The following TEC variants were observed in gnomAD, a reference collection of about 807,000 sequenced individuals.
TEC encodes the protein tyrosine-protein kinase Tec.
In TEC, 72 loss-of-function variants were observed where a neutral mutation model predicts 93.0. The observed-to-expected ratio is 0.77, with a 90% confidence interval of 0.64 to 0.94. TEC has a LOEUF of 0.94. Among genes scored for constraint, TEC ranks in the 40% least tolerant of loss-of-function variants. The pLI is 0.00. For synonymous variants in TEC, 249 were observed against 247.7 expected (o/e 1.01, Z -0.05); for missense variants, 630 against 757.9 (o/e 0.83, Z 1.98).
chr4:48,237,177 A>C (rs1268586914), intron 1 of TEC, among the ~76,000 whole-genome samples: 1 of 152,060 alleles, frequency 6.6e-6, no homozygotes, highest in Non-Finnish European at 1.5e-5. Context: ...CTGAAAATAC[A>C]GTCGTGTTGG....
intron 8 of TEC, among the ~76,000 whole-genome samples, chr4:48,161,709 T>G (rs1190647646): frequency 1.3e-5 from 2 of 151,598 alleles, no homozygotes; most frequent in African/African-American, 4.9e-5. Flanking sequence ...CCTGGGTGTG[T>G]CCATGACGGT....
In TEC at chr4:48,145,173, C is replaced by T. The variant is rs1719851613; in HGVS notation, c.1376G>A (p.Gly459Asp). The change falls in exon 14 of 18, where the codon GGT becomes GAT. Residue 459 changes from glycine to aspartate, a missense_variant. This residue lies in a region of TEC where 289 missense variants were observed against 390.0 expected (regional missense o/e 0.74). Coordinates refer to ENST00000381501, the MANE Select transcript of TEC (RefSeq NM_003215.3). The part of the protein sequence containing the change: ...CLLNFLRQRQ[G>D]HFSRDVLLSM... ...CAGCAGTACGTCTCTACTGAAATGACCTTGTCTCTGTCGGAGGAAATTCAG... is the reference window on the plus strand; with the variant it reads ...CAGCAGTACGTCTCTACTGAAATGATCTTGTCTCTGTCGGAGGAAATTCAG... The T allele has an allele frequency of 1.3e-5, 21 of 1,614,138 alleles. No homozygotes were observed. Among genetic ancestry groups the T allele is most frequent in the Non-Finnish European group, 1.8e-5 (21 of 1,180,022 alleles).
chr4:48,162,857 C>T (rs1471409129), intron 8 of TEC, among the ~76,000 whole-genome samples: 1 of 152,218 alleles, frequency 6.6e-6, no homozygotes, highest in Non-Finnish European at 1.5e-5. Flanking sequence ...CCTCACGTTA[C>T]AACTTGGCCA....
At position 48,168,607 on chromosome 4, in the gene TEC, A is replaced by G; in HGVS notation, c.474T>C (p.Pro158=). 6.2e-7 allele frequency: 1 copy of G among 1,604,772 alleles called. No individual in the cohort carries two copies. Among genetic ancestry groups the G allele is most frequent in the Non-Finnish European group, 8.5e-7 (1 of 1,177,898 alleles). The stretch of plus-strand genomic sequence containing the variant: ...CTACCTTCTTTGTTTCTGGTGCTGG[A>G]GGTAGTGCTTTTCTTATACCTGAAA... ...LFESSIRKAL[P]PAPETKKRRP... Residue 158 remains proline (P), a synonymous_variant, in exon 6 of 18, where the codon CCT becomes CCC. Coordinates refer to ENST00000381501, the MANE Select transcript of TEC (RefSeq NM_003215.3).
At chr4:48,265,517 T>TA (rs1560430160) in intron 1 of TEC, among the ~76,000 whole-genome samples, 119 of 72,708 alleles carry the variant, frequency 1.6e-3, no homozygotes, top group Middle Eastern at 9.6e-3. Flanking sequence ...ATATATATAT[T>TA]TTTTTTTTTT....
In TEC at chr4:48,246,522, T is replaced by C. The variant is rs538610726; in HGVS notation, c.-45-17863A>G. ...TCACACTCCCAATTTTAAAATTTAC[T>C]CTAATGGCATAGCAATCAAAACTGT... On this transcript the variant is annotated intron_variant, in intron 1 of 17. Transcript: ENST00000381501. Among the ~76,000 whole-genome samples the C allele has an allele frequency of 1.1e-4, 17 of 150,970 alleles. No individual in the cohort carries two copies. The East Asian group carries it at 3.3e-3, about 29-fold the overall frequency.
At chr4:48,177,320 C>T (rs1211420176) in intron 2 of TEC, among the ~76,000 whole-genome samples, 1 of 152,200 alleles carries the variant, frequency 6.6e-6, no homozygotes, top group Non-Finnish European at 1.5e-5. Flanking sequence ...ACTAAGGTTA[C>T]TTTTTCTTCA....
intron 2 of TEC, among the ~76,000 whole-genome samples, chr4:48,226,321 C>G (rs927623577): frequency 6.6e-6 from 1 of 152,108 alleles, no homozygotes; most frequent in African/African-American, 2.4e-5. Context: ...GCTTGAACTG[C>G]ATGGGTCCAT....
intron 8 of TEC, among the ~76,000 whole-genome samples, chr4:48,160,971 C>G (rs116835853): frequency 6.6e-6 from 1 of 151,432 alleles, no homozygotes; most frequent in African/African-American, 2.4e-5. Context: ...AGGAACTATA[C>G]ATCTAGAAAT....
intron 17 of TEC, 115 bp from the exon 18 acceptor site, chr4:48,137,614 T>C (rs902515851): frequency 1.4e-5 from 12 of 830,184 alleles, no homozygotes; most frequent in Non-Finnish European, 2.0e-5. Flanking sequence ...GCTTTGGGAC[T>C]AGGACATACA....
chr4:48,157,014 C>A (rs1402895988), intron 8 of TEC, among the ~76,000 whole-genome samples: 1 of 152,146 alleles, frequency 6.6e-6, no homozygotes, highest in African/African-American at 2.4e-5. Flanking sequence ...CTGAATTTTT[C>A]ATATAACATT....
intron 2 of TEC, among the ~76,000 whole-genome samples, chr4:48,204,739 A>G (rs1028451315): frequency 2.5e-4 from 38 of 152,326 alleles, no homozygotes; most frequent in African/African-American, 8.9e-4. Flanking sequence ...TGCAGTTCAC[A>G]AGAGGGTTCG....
chr4:48,250,224 A>G (rs1285698183), intron 1 of TEC, among the ~76,000 whole-genome samples: 1 of 152,230 alleles, frequency 6.6e-6, no homozygotes, highest in Non-Finnish European at 1.5e-5. Context: ...CCAGCTGCTC[A>G]GCCAAGTATC....
intron 2 of TEC, among the ~76,000 whole-genome samples, chr4:48,200,251 C>T (rs1221682727): frequency 1.4e-5 from 2 of 138,376 alleles, no homozygotes; most frequent in African/African-American, 5.6e-5. Flanking sequence ...GTGGTACCTT[C>T]GAGGAACTGA....
rs776319561 is a variant in TEC, at chr4:48,138,863, TCTC to T, written c.1654+38_1654+40del. 2.5e-5 allele frequency: 40 copies of T among 1,613,520 alleles called. No homozygotes were observed. The Admixed American group carries it at 6.7e-4, about 27-fold the overall frequency. ...GATTACCAAATGGATGTATCCACTTTCTCCTCAGGGCGGACGGACATGAGGAAA... is the reference window on the plus strand; with the variant it reads ...GATTACCAAATGGATGTATCCACTTTCTCAGGGCGGACGGACATGAGGAAA... On this transcript the variant is annotated intron_variant, in intron 16 of 17. Coordinates refer to ENST00000381501, the MANE Select transcript of TEC (RefSeq NM_003215.3).
At chr4:48,137,573 T>C in intron 17 of TEC, 74 bp from the exon 18 acceptor site, 1 of 1,206,596 alleles carries the variant, frequency 8.3e-7, no homozygotes, top group Non-Finnish European at 1.2e-6. Flanking sequence ...CTCCAACTCC[T>C]AAACACAGCA....
At chr4:48,262,201 C>CTCTTTTTTTTTTTTTT (rs1724513091) in intron 1 of TEC, among the ~76,000 whole-genome samples, 1 of 80,210 alleles carries the variant, frequency 1.2e-5, no homozygotes, top group African/African-American at 4.1e-5. Flanking sequence ...CCAAATGTCT[C>CTCTTTTTTTTTTTTTT]TTTTTTTTTT....
At chr4:48,177,481 T>A (rs532386089) in intron 2 of TEC, among the ~76,000 whole-genome samples, 1 of 152,158 alleles carries the variant, frequency 6.6e-6, no homozygotes, top group African/African-American at 2.4e-5. Flanking sequence ...AGCTTTGGGG[T>A]CCCCACCCCA....
intron 1 of TEC, among the ~76,000 whole-genome samples, chr4:48,232,329 C>G (rs1460986747): frequency 6.6e-6 from 1 of 151,902 alleles, no homozygotes; most frequent in Non-Finnish European, 1.5e-5. Flanking sequence ...AACACCTTAT[C>G]TGACATATGT....
Sources: gnomAD v4.1 joint callset for allele counts (sites outside exome capture counted in the v4.1 genomes callset) on GRCh38, gnomAD v4.1.1 for gene constraint, gnomAD v4.1.1 regional missense constraint, MANE v1.5 for transcripts, NCBI Gene and HGNC (gene_info 2026-07-23, HGNC 2026-07-21) for gene names.